SSC4D: variants seen among roughly 807,000 people sequenced by gnomAD.
SSC4D encodes scavenger receptor cysteine rich family member with 4 domains.
SSC4D carries 57 observed loss-of-function variants against 63.4 expected under a neutral mutation model. That is an observed-to-expected ratio of 0.90 (90% CI 0.73 to 1.12). The LOEUF (loss-of-function observed/expected upper bound fraction) is 1.12. SSC4D is among the 50% of genes most tolerant of loss of function. The pLI is 0.00. For synonymous variants in SSC4D, 352 were observed against 345.4 expected, an observed-to-expected ratio of 1.02 and a Z score of -0.21; for missense variants, 791 against 806.4, an observed-to-expected ratio of 0.98 and a Z score of 0.23.
chr7:76,397,842 G>A lies in SSC4D; in HGVS notation c.554-10C>T. 6.5e-7 allele frequency: 1 copy of A among 1,542,116 alleles called. No homozygotes were observed. The highest frequency in any genetic ancestry group is 8.8e-7 in the Non-Finnish European group (1 of 1,140,464). On this transcript the variant is annotated splice_polypyrimidine_tract_variant and intron_variant, in intron 5 of 10. Transcript: ENST00000275560. ...CGTACGCTGCCCTCACCTGGGGATG[G>A]GGGCGGGGGTCAGGGCGCATCTCCC... is the stretch of plus-strand genomic sequence containing the variant.
At position 76,401,284 on chromosome 7, in the gene SSC4D, T is replaced by C. The variant is rs564050831; in HGVS notation, c.134-241A>G. Among the ~76,000 whole-genome samples, 3 of 152,270 alleles carry C rather than the reference T, an allele frequency of 2.0e-5. No individual in the cohort carries two copies. In the East Asian group the frequency reaches 5.8e-4, roughly 29 times the overall value. On this transcript the variant is annotated intron_variant, in intron 2 of 10. Transcript: ENST00000275560. ...AGAGAGATCTGCGGGTGTAAATCTG[T>C]AGATCTGCACATCTCAAACTAATGC... is the stretch of plus-strand genomic sequence containing the variant.
chr7:76,393,543 A>T lies in SSC4D; in HGVS notation c.1195T>A (p.Phe399Ile), dbSNP rs1804551639. 1 of 1,523,590 alleles carries T rather than the reference A, an allele frequency of 6.6e-7. No homozygotes were observed. Among genetic ancestry groups the T allele is most frequent in the Non-Finnish European group, 8.8e-7 (1 of 1,142,306 alleles). 94.4% of individuals were successfully genotyped at this position (1,523,590 alleles called of 1,614,324 possible). The part of the protein sequence containing the change: ...PALGATGLGH[F>I]GYGRGPVLLD... The stretch of plus-strand genomic sequence containing the variant: ...AGCACGGGGCCGCGGCCGTAGCCGA[A>T]GTGGCCCAGTCCCGTAGCGCCCAGC... The change falls in exon 9 of 11, where the codon TTC becomes ATC. Residue 399 changes from phenylalanine to isoleucine, a missense_variant. Transcript: ENST00000275560.
intron 7 of SSC4D, 65 bp downstream of exon 7, chr7:76,395,188 T>C: frequency 6.3e-7 from 1 of 1,580,948 alleles, no homozygotes; most frequent in Admixed American, 1.7e-5. Context: ...CAGAACATTC[T>C]TCCCAGTTCC....
intron 10 of SSC4D, 22 bp from the exon 11 acceptor site, chr7:76,390,397 T>C (rs1222205057): frequency 6.4e-7 from 1 of 1,557,360 alleles, no homozygotes; most frequent in Admixed American, 1.8e-5. Context: ...CAGGGCTGGG[T>C]TGGAAGGGGC....
chr7:76,402,384 G>T (rs1804861481), intron 2 of SSC4D, among the ~76,000 whole-genome samples: 2 of 152,012 alleles, frequency 1.3e-5, no homozygotes, highest in African/African-American at 4.8e-5. Context: ...GTCTCACCAT[G>T]TTGGCCAGGC....
rs755575890 is a variant in SSC4D at position 76,390,310 on chromosome 7, G to A, written c.1477C>T (p.Arg493Trp). ...EGRVELYLGQ[R>W]WGTVCDDAWD... ...GCATCATCACAGACAGTGCCCCACC[G>A]TTGCCCTAGGTAGAGCTCTACACGT... The change falls in exon 11 of 11, where the codon CGG (arginine) becomes TGG (tryptophan). Residue 493 changes from arginine (R) to tryptophan (W), a missense_variant. Coordinates refer to ENST00000275560, the MANE Select transcript of SSC4D (RefSeq NM_080744.2). The A allele has an allele frequency of 3.0e-5, 48 of 1,609,698 alleles. No individual in the cohort carries two copies. The highest frequency in any genetic ancestry group is 4.5e-5 in the East Asian group (2 of 44,638).
chr7:76,398,294 G>A (rs73361541), intron 5 of SSC4D, among the ~76,000 whole-genome samples: 7,516 of 148,162 alleles, frequency 0.051, 573 homozygotes, highest in African/African-American at 0.17. Context: ...CAGTCTCACC[G>A]CCCATTCATT....
At chr7:76,406,654 T>C (rs1464981908) in intron 1 of SSC4D, among the ~76,000 whole-genome samples, 2 of 151,634 alleles carry the variant, frequency 1.3e-5, no homozygotes, top group Non-Finnish European at 2.9e-5. Flanking sequence ...CAGCTAATTA[T>C]TTTTCTTTTT....
chr7:76,400,658 A>T lies in SSC4D; in HGVS notation c.170-67T>A. 4 of 1,375,162 alleles carry T rather than the reference A, an allele frequency of 2.9e-6. No individual in the cohort carries two copies. In the South Asian group the frequency reaches 4.8e-5, roughly 16 times the overall value. 85.2% of individuals were successfully genotyped at this position (1,375,162 alleles called of 1,614,324 possible). A position where few individuals can be genotyped will look rare whatever the true frequency, so the allele number is the denominator to read the frequency against. On this transcript the variant is annotated intron_variant, in intron 3 of 10. Coordinates refer to ENST00000275560, the MANE Select transcript of SSC4D (RefSeq NM_080744.2). Reference sequence around the variant, plus strand: ...CAACCTCCAGCATGCCCACTCCAGGATGTCCTTTTATTTTATTATTATTTT... The same window carrying T: ...CAACCTCCAGCATGCCCACTCCAGGTTGTCCTTTTATTTTATTATTATTTT...
chr7:76,391,070 A>G (rs899832519), intron 10 of SSC4D, among the ~76,000 whole-genome samples: 1 of 152,148 alleles, frequency 6.6e-6, no homozygotes, highest in Non-Finnish European at 1.5e-5. Flanking sequence ...CAGGAGGTCC[A>G]GGCTGCAGTG....
rs749973394 is a variant in SSC4D, at chr7:76,398,779, G to A, written c.494C>T (p.Pro165Leu). 4 of 1,612,882 alleles carry A rather than the reference G, an allele frequency of 2.5e-6. No individual in the cohort carries two copies. The Admixed American group carries it at 6.7e-5, about 27-fold the overall frequency. ...ACTGGTTAACATCTTCCTTGTTGGG[G>A]GCTGCGTTGGCAAGAATTCTGGAAA... ...VLCDEFLPTQ[P>L]PTRKMLTSRA... is the part of the protein sequence containing the mutation. The change falls in exon 5 of 11, where the codon CCC (proline) becomes CTC (leucine). Residue 165 changes from proline (P) to leucine (L), a missense_variant. By Grantham distance (98) the Pro-to-Leu change is moderately conservative (BLOSUM62 -3). Transcript: ENST00000275560.
Position 76,393,678 on chromosome 7 carries a change from G to T in SSC4D, c.1060C>A (p.Arg354Ser). The T allele has an allele frequency of 2.8e-6, 4 of 1,420,996 alleles. No individual in the cohort carries two copies. The highest frequency in any genetic ancestry group is 3.1e-5 in the Admixed American group (1 of 32,480). The allele number at this position is 1,420,996 out of a possible 1,614,324, so 88.0% of individuals were successfully genotyped here. A position where few individuals can be genotyped will look rare whatever the true frequency, so the allele number is the denominator to read the frequency against. ...GCGTGCAACACCTCCACGCGGCCGC[G>T]GCACGGACCCGGGCCGCCCACCAGT... ...LRLVGGPGPC[R>S]GRVEVLHAGG... The change falls in exon 9 of 11, where the codon CGC (arginine) becomes AGC (serine). Residue 354 changes from arginine to serine, a missense_variant. Physicochemically the swap from Arg to Ser is moderately radical, Grantham distance 110 (BLOSUM62 -1). Transcript: ENST00000275560.
intron 1 of SSC4D, among the ~76,000 whole-genome samples, chr7:76,406,859 C>T (rs1805051961): frequency 6.6e-6 from 1 of 151,634 alleles, no homozygotes; most frequent in African/African-American, 2.4e-5. Flanking sequence ...GTCTCTCAGA[C>T]CTTCCTTCAC....
In SSC4D at chr7:76,400,293, C is replaced by A; in HGVS notation, c.468G>T (p.Leu156=). ...TCCCAGGGCTCCACTCACCATCACA[C>A]AGGACAGCCACATCCTCGTAGTGAA... is the stretch of plus-strand genomic sequence containing the variant. The part of the protein sequence containing the change: ...NCFHYEDVAV[L]CDEFLPTQPP... Residue 156 remains leucine (L), a synonymous_variant, in exon 4 of 11, where the codon CTG becomes CTT. Transcript: ENST00000275560. 6.8e-7 allele frequency: 1 copy of A among 1,479,754 alleles called. No homozygotes were observed. Among genetic ancestry groups the A allele is most frequent in the African/African-American group, 1.4e-5 (1 of 69,860 alleles). 91.7% of individuals were successfully genotyped at this position (1,479,754 alleles called of 1,614,324 possible). A position where few individuals can be genotyped will look rare whatever the true frequency, so the allele number is the denominator to read the frequency against.
chr7:76,390,181 G>T lies in SSC4D; in HGVS notation c.1606C>A (p.Leu536Ile), dbSNP rs774198460. The T allele has an allele frequency of 5.0e-6, 8 of 1,614,252 alleles. No individual in the cohort carries two copies. In the South Asian group the frequency reaches 8.8e-5, roughly 18 times the overall value. The change falls in exon 11 of 11, where the codon CTC becomes ATC. Residue 536 changes from leucine to isoleucine, a missense_variant. By Grantham distance (5) the Leu-to-Ile change is conservative. Coordinates refer to ENST00000275560, the MANE Select transcript of SSC4D (RefSeq NM_080744.2). ...CCACGGCACTTGACATTGTCCAGGA[G>T]AATGGGGCCTCGGCCTGGGCCAAAG... ...AHFGPGRGPI[L>I]LDNVKCRGEE...
intron 7 of SSC4D, among the ~76,000 whole-genome samples, chr7:76,394,755 A>G (rs1322909757): frequency 7.1e-6 from 1 of 140,838 alleles, no homozygotes; most frequent in Non-Finnish European, 1.5e-5. Context: ...TATAATATAT[A>G]TATATATATA....
chr7:76,392,340 G>A (rs1346656430), intron 9 of SSC4D, among the ~76,000 whole-genome samples: 1 of 152,130 alleles, frequency 6.6e-6, no homozygotes, highest in Non-Finnish European at 1.5e-5. Context: ...CCTGAGGTCA[G>A]GAGTTCGTAG....
At chr7:76,394,006 C>G in intron 7 of SSC4D, 102 bp from the exon 8 acceptor site, 1 of 1,177,286 alleles carries the variant, frequency 8.5e-7, no homozygotes, top group East Asian at 2.8e-5. Flanking sequence ...CCCTACCACA[C>G]CCGTACCCCC....
intron 2 of SSC4D, among the ~76,000 whole-genome samples, chr7:76,402,530 G>T (rs993573074): frequency 4.0e-5 from 6 of 151,848 alleles, no homozygotes; most frequent in Non-Finnish European, 7.4e-5. Flanking sequence ...TGTTGCCCAG[G>T]CTGGTCTCGA....
Sources: allele counts gnomAD v4.1 joint callset (sites outside exome capture counted in the v4.1 genomes callset), GRCh38; gene constraint gnomAD v4.1.1; transcripts MANE v1.5; gene names NCBI Gene and HGNC (gene_info 2026-07-23, HGNC 2026-07-21).